AFG3L2: variants seen among roughly 807,000 people sequenced by gnomAD.
The protein encoded by AFG3L2 is AFG3 like matrix AAA peptidase subunit 2.
A neutral mutation model predicts 94.5 loss-of-function variants in AFG3L2; 54 were observed. That is an observed-to-expected ratio of 0.57 (90% confidence interval 0.46 to 0.72). AFG3L2 has a LOEUF of 0.72. Among genes scored for constraint, AFG3L2 ranks in the 30% least tolerant of loss-of-function variants. The pLI, the probability that AFG3L2 is intolerant of heterozygous loss-of-function variation, is 0.00. For synonymous variants in AFG3L2, 377 were observed against 365.5 expected, an observed-to-expected ratio of 1.03 and a Z score of -0.36; for missense variants, 754 against 994.9, an observed-to-expected ratio of 0.76 and a Z score of 3.26.
chr18:12,331,563 G>C (rs1224607939), intron 16 of AFG3L2, among the ~76,000 whole-genome samples: 1 of 152,118 alleles, frequency 6.6e-6, no homozygotes, highest in African/African-American at 2.4e-5. Context: ...AGCACTTTGG[G>C]GCGGCGGATC....
intron 13 of AFG3L2, among the ~76,000 whole-genome samples, chr18:12,346,791 C>G (rs978381393): frequency 6.7e-6 from 1 of 149,806 alleles, no homozygotes; most frequent in Admixed American, 6.8e-5. Context: ...GTAATCCCAG[C>G]TGTTTGGGAG....
chr18:12,373,994 T>C (rs1489302685), intron 1 of AFG3L2, among the ~76,000 whole-genome samples: 1 of 152,164 alleles, frequency 6.6e-6, no homozygotes, highest in African/African-American at 2.4e-5. Context: ...CATAGTACCA[T>C]ATAAAGCAAG....
intron 13 of AFG3L2, among the ~76,000 whole-genome samples, chr18:12,345,126 G>T (rs957718095): frequency 6.6e-6 from 1 of 152,206 alleles, no homozygotes; most frequent in African/African-American, 2.4e-5. Flanking sequence ...TGATGCTGGC[G>T]CACCCTCACC....
At chr18:12,376,430 G>C (rs921051904) in intron 1 of AFG3L2, among the ~76,000 whole-genome samples, 1 of 152,202 alleles carries the variant, frequency 6.6e-6, no homozygotes, top group Non-Finnish European at 1.5e-5. Context: ...CTGAGAGCAG[G>C]CCCTGATATG....
In AFG3L2 at chr18:12,367,260, A is replaced by T. The variant is rs1908834991; in HGVS notation, c.399+16T>A. ...CCATCATAACCTCAAAATTCACACAATGTATAGCATCAAACCTTCTGAAAC... is the reference window on the plus strand; with the variant it reads ...CCATCATAACCTCAAAATTCACACATTGTATAGCATCAAACCTTCTGAAAC... On this transcript the variant is annotated intron_variant, in intron 4 of 16. Coordinates refer to ENST00000269143, the MANE Select transcript of AFG3L2 (RefSeq NM_006796.3). The T allele has an allele frequency of 6.2e-7, 1 of 1,614,022 alleles. No homozygotes were observed. Among genetic ancestry groups the T allele is most frequent in the South Asian group, 1.1e-5 (1 of 91,074 alleles).
chr18:12,365,871 C>CTTTTTTTT (rs576247423), intron 5 of AFG3L2, among the ~76,000 whole-genome samples: 9 of 113,834 alleles, frequency 7.9e-5, no homozygotes, highest in Admixed American at 1.0e-4. Context: ...TGCATCAATT[C>CTTTTTTTT]TTTTTTTTTT....
At chr18:12,345,907 T>C (rs1269056432) in intron 13 of AFG3L2, among the ~76,000 whole-genome samples, 1 of 152,232 alleles carries the variant, frequency 6.6e-6, no homozygotes, top group Non-Finnish European at 1.5e-5. Flanking sequence ...AACAATTCAT[T>C]GTTTACTGGG....
At chr18:12,333,279 TTA>T (rs1907636710) in intron 16 of AFG3L2, among the ~76,000 whole-genome samples, 1 of 128,096 alleles carries the variant, frequency 7.8e-6, no homozygotes, top group South Asian at 2.2e-4. Flanking sequence ...TAAATATAGA[TTA>T]TATATAATAT....
intron 8 of AFG3L2, 102 bp downstream of exon 8, chr18:12,358,568 G>T: frequency 1.4e-6 from 2 of 1,424,722 alleles, no homozygotes; most frequent in South Asian, 1.2e-5. Flanking sequence ...AAAGAGGAAG[G>T]ACAGAAAAAC....
At chr18:12,343,357 T>G (rs1475547836) in intron 14 of AFG3L2, 1 of 152,236 alleles carries the variant, frequency 6.6e-6, no homozygotes, top group African/African-American at 2.4e-5. Flanking sequence ...CTTAGGATGT[T>G]TTATGGACAC....
intron 1 of AFG3L2, among the ~76,000 whole-genome samples, chr18:12,376,603 T>A (rs1296379566): frequency 6.6e-6 from 1 of 152,146 alleles, no homozygotes; most frequent in Non-Finnish European, 1.5e-5. Context: ...TGCGACTACA[T>A]CGTGCTCGTG....
rs1267798105 is a variant in AFG3L2 at position 12,351,147 on chromosome 18, T to A, written c.1490A>T (p.Asp497Val). The change falls in exon 12 of 17, where the codon GAC becomes GTC. Residue 497 changes from aspartate (D) to valine (V), a missense_variant. Asp to Val is a radical substitution (Grantham distance 152). Transcript: ENST00000269143. ...CAATTTATCCTTCTCCAGGGTACTGTCCAGTTTTAGCGGTCGGAGATGAAC... is the reference window on the plus strand; with the variant it reads ...CAATTTATCCTTCTCCAGGGTACTGACCAGTTTTAGCGGTCGGAGATGAAC... ...FKVHLRPLKL[D>V]STLEKDKLAR... is the part of the protein sequence containing the mutation. 6.2e-7 allele frequency: 1 copy of A among 1,613,994 alleles called. No individual in the cohort carries two copies. The highest frequency in any genetic ancestry group is 8.5e-7 in the Non-Finnish European group (1 of 1,180,030).
At position 12,333,170 on chromosome 18, in the gene AFG3L2, AATAGAT is replaced by A. The variant is rs1305928642; in HGVS notation, c.2176-3393_2176-3388del. On this transcript the variant is annotated intron_variant, in intron 16 of 16. Transcript: ENST00000269143. ...TATATAATAATCTAATATATATAAT[AATAGAT>A]AATATAATAAATAATATATATAATA... Among the ~76,000 whole-genome samples, 32 of 116,360 alleles carry A rather than the reference AATAGAT, an allele frequency of 2.8e-4. 1 individual carries two copies. The highest frequency in any genetic ancestry group is 6.5e-4 in the East Asian group (3 of 4,624). 76.3% of individuals were successfully genotyped at this position (116,360 alleles called of 152,430 possible). A position where few individuals can be genotyped will look rare whatever the true frequency, so the allele number is the denominator to read the frequency against.
intron 6 of AFG3L2, 38 bp downstream of exon 6, chr18:12,363,744 T>C (rs773531606): frequency 6.5e-7 from 1 of 1,535,434 alleles, no homozygotes; most frequent in Non-Finnish European, 9.0e-7. Flanking sequence ...AAAAAGTTAA[T>C]TTACAACTAA....
chr18:12,352,938 A>G (rs1908364878), intron 10 of AFG3L2, 67 bp downstream of exon 10: 1 of 1,600,364 alleles, frequency 6.2e-7, no homozygotes, highest in Non-Finnish European at 8.5e-7. Flanking sequence ...TGGACGACAG[A>G]GTCAGACTCC....
intron 5 of AFG3L2, among the ~76,000 whole-genome samples, chr18:12,366,518 G>A (rs1266807635): frequency 2.0e-5 from 3 of 152,074 alleles, no homozygotes; most frequent in African/African-American, 4.8e-5. Flanking sequence ...TAGCTGCCAC[G>A]CCCACAGGTG....
intron 3 of AFG3L2, among the ~76,000 whole-genome samples, chr18:12,367,639 A>G (rs924331340): frequency 2.6e-5 from 4 of 152,246 alleles, no homozygotes; most frequent in Non-Finnish European, 5.9e-5. Context: ...GGACTGTTAT[A>G]CCCTTCACAG....
intron 12 of AFG3L2, 35 bp from the exon 13 acceptor site, chr18:12,348,418 A>G (rs1039448651): frequency 1.3e-6 from 2 of 1,545,396 alleles, no homozygotes; most frequent in South Asian, 1.1e-5. Context: ...TACCCACCGA[A>G]ATACGCCCAA....
chr18:12,360,086 T>C (rs1432953381), intron 6 of AFG3L2, 35 bp from the exon 7 acceptor site: 14 of 1,606,398 alleles, frequency 8.7e-6, no homozygotes, highest in Non-Finnish European at 1.1e-5. Context: ...CCTAAGAATG[T>C]AGTGAAACTA....
Sources: allele counts gnomAD v4.1 joint callset (sites outside exome capture counted in the v4.1 genomes callset), GRCh38; gene constraint gnomAD v4.1.1; transcripts MANE v1.5; gene names NCBI Gene and HGNC (gene_info 2026-07-23, HGNC 2026-07-21).